GPR173: variants seen among roughly 807,000 people sequenced by gnomAD.
GPR173 encodes G protein-coupled receptor 173, also known as probable G protein-coupled receptor 173.
GPR173 carries 2 observed loss-of-function variants against 13.9 expected under a neutral mutation model. The observed-to-expected ratio is 0.14, with a 90% CI of 0.06 to 0.45. The LOEUF is 0.45. GPR173 is among the 20% of genes least tolerant of loss of function. GPR173 has a pLI of 0.98. For missense variants in GPR173, 202 were observed against 340.5 expected (o/e 0.59, Z 3.20); for synonymous variants, 131 against 141.0 (o/e 0.93, Z 0.50).
chrX:53,066,404 A>G (rs1028797748), intron 1 of GPR173, among the ~76,000 whole-genome samples: 40 of 111,952 alleles, frequency 3.6e-4, no homozygotes, highest in African/African-American at 1.2e-3. Flanking sequence ...GTGCAAAAAA[A>G]GCCATTTGTT....
intron 1 of GPR173, among the ~76,000 whole-genome samples, chrX:53,059,987 C>CA (rs1190869192): frequency 3.3e-4 from 28 of 85,013 alleles, no homozygotes; most frequent in Non-Finnish European, 4.2e-4. Context: ...GACCCTGTCT[C>CA]AAAAAAAAAA....
In GPR173 at chrX:53,077,168, G is replaced by A. The variant is rs782287684; in HGVS notation, c.547G>A (p.Ala183Thr). 1 of 1,207,229 alleles carries A rather than the reference G, an allele frequency of 8.3e-7. No individual in the cohort carries two copies. Among genetic ancestry groups the A allele is most frequent in the East Asian group, 3.0e-5 (1 of 33,836 alleles). ...QCIFEHRYFK[A>T]NDTLGFMLML... The stretch of plus-strand genomic sequence containing the variant: ...CATCTTTGAGCATCGCTACTTCAAG[G>A]CCAATGACACGCTGGGCTTCATGCT... The change falls in exon 2 of 2, where the codon GCC becomes ACC. Residue 183 changes from alanine to threonine, a missense_variant. Ala to Thr is a moderately conservative substitution (Grantham distance 58). Around this residue, in one of 3 missense-constraint regions of GPR173, gnomAD observed 28 missense variants for 87.0 expected, o/e 0.32. Transcript: ENST00000332582.
At chrX:53,075,656 A>G (rs1286925694) in intron 1 of GPR173, among the ~76,000 whole-genome samples, 1 of 109,112 alleles carries the variant, frequency 9.2e-6, no homozygotes, top group Non-Finnish European at 1.9e-5. Context: ...GTGGCCCACA[A>G]CCCTACACAA....
rs1932466856 is a variant in GPR173, at chrX:53,077,997, ATT to A, written c.*255_*256del. The A allele has an allele frequency of 2.1e-5, 7 of 338,379 alleles. No homozygotes were observed. Among genetic ancestry groups the A allele is most frequent in the Non-Finnish European group, 2.6e-5 (5 of 193,512 alleles). 27.9% of individuals were successfully genotyped at this position (338,379 alleles called of 1,213,427 possible). A position where few individuals can be genotyped will look rare whatever the true frequency, so the allele number is the denominator to read the frequency against. On this transcript the variant is annotated 3_prime_UTR_variant, in exon 2 of 2. Transcript: ENST00000332582. ...CCTCCTTCTCCACTTCTACAATCTCATTCTCTCTCTCTCTCTCTCTGTCTCTC... is the reference window on the plus strand; with the variant it reads ...CCTCCTTCTCCACTTCTACAATCTCACTCTCTCTCTCTCTCTCTGTCTCTC...
intron 1 of GPR173, among the ~76,000 whole-genome samples, chrX:53,074,332 GTATATTTATA>G (rs1373712607): frequency 2.0e-4 from 1 of 4,954 alleles, no homozygotes; most frequent in Non-Finnish European, 3.4e-4. Context: ...ATATATAAAT[GTATATTTATA>G]TATATTTATA....
At chrX:53,055,052 G>A (rs1484188890) in intron 1 of GPR173, among the ~76,000 whole-genome samples, 1 of 109,782 alleles carries the variant, frequency 9.1e-6, no homozygotes, top group Non-Finnish European at 1.9e-5. Flanking sequence ...TGGTGTGTGT[G>A]AGACAGTATG....
intron 1 of GPR173, among the ~76,000 whole-genome samples, chrX:53,052,041 C>T (rs1460783047): frequency 9.0e-6 from 1 of 111,100 alleles, no homozygotes; most frequent in South Asian, 3.7e-4. Context: ...TATAGATGTC[C>T]GTGTGTGCAT....
intron 1 of GPR173, among the ~76,000 whole-genome samples, chrX:53,074,684 A>AT (rs781992705): frequency 1.2e-5 from 1 of 83,358 alleles, no homozygotes; most frequent in African/African-American, 5.4e-5. Context: ...ATTTATAAAT[A>AT]TTATAAATAA....
intron 1 of GPR173, among the ~76,000 whole-genome samples, chrX:53,052,515 A>T (rs1931971432): frequency 9.1e-6 from 1 of 109,970 alleles, no homozygotes; most frequent in Non-Finnish European, 1.9e-5. Flanking sequence ...AGGTGTGAAC[A>T]TCTGGCTGTG....
chrX:53,068,680 G>A, intron 1 of GPR173, among the ~76,000 whole-genome samples: 1 of 108,858 alleles, frequency 9.2e-6, no homozygotes, highest in East Asian at 2.9e-4. Context: ...TACTCTGAAG[G>A]CTGAGGTAGG....
At chrX:53,061,599 A>G (rs1490169253) in intron 1 of GPR173, among the ~76,000 whole-genome samples, 2 of 111,863 alleles carry the variant, frequency 1.8e-5, no homozygotes, top group African/African-American at 6.5e-5. Context: ...ACTAGAGTTG[A>G]GTGAAAAGGA....
At chrX:53,059,618 C>T (rs781904349) in intron 1 of GPR173, among the ~76,000 whole-genome samples, 1 of 108,605 alleles carries the variant, frequency 9.2e-6, no homozygotes, top group African/African-American at 3.4e-5. Flanking sequence ...ATGGCGAAAC[C>T]CCACCTCTAC....
chrX:53,064,426 G>A (rs1295734435), intron 1 of GPR173, among the ~76,000 whole-genome samples: 1 of 110,174 alleles, frequency 9.1e-6, no homozygotes, highest in African/African-American at 3.3e-5. Flanking sequence ...AAAATTAGCT[G>A]GGCATCCTGG....
intron 1 of GPR173, among the ~76,000 whole-genome samples, chrX:53,068,097 T>C (rs1932210949): frequency 9.0e-6 from 1 of 111,303 alleles, no homozygotes. Flanking sequence ...GATACTGAAA[T>C]ACTTAAGGAT....
intron 1 of GPR173, among the ~76,000 whole-genome samples, chrX:53,072,390 C>G (rs868976544): frequency 1.2e-5 from 1 of 85,770 alleles, no homozygotes; most frequent in Admixed American, 1.2e-4. Context: ...TTTTCTCTCT[C>G]TTGCTCTCTC....
chrX:53,063,072 C>A (rs1455140547), intron 1 of GPR173, among the ~76,000 whole-genome samples: 1 of 110,180 alleles, frequency 9.1e-6, no homozygotes, highest in Non-Finnish European at 1.9e-5. Context: ...CACAGTTCCA[C>A]TAAGTGTTGC....
chrX:53,080,544 A>G lies in GPR173; in HGVS notation c.*2801A>G, dbSNP rs1932522176. The G allele has an allele frequency of 8.2e-6, 1 of 122,603 alleles. No individual in the cohort carries two copies. The highest frequency in any genetic ancestry group is 1.9e-5 in the Non-Finnish European group (1 of 53,194). The allele number at this position is 122,603 out of a possible 1,213,427, so 10.1% of individuals were successfully genotyped here. ...CCACCGTTCATGTGTTTATTTACAT[A>G]TATGTGTATCTGTGAAAAATGTATG... On this transcript the variant is annotated 3_prime_UTR_variant, in exon 2 of 2. Coordinates refer to ENST00000332582, the MANE Select transcript of GPR173 (RefSeq NM_018969.6).
Position 53,052,602 on chromosome X carries a change from CGTGTGT to C in GPR173, c.-98+3144_-98+3149del, listed in dbSNP as rs781878545. On this transcript the variant is annotated intron_variant, in intron 1 of 1. Coordinates refer to ENST00000332582, the MANE Select transcript of GPR173 (RefSeq NM_018969.6). ...CCACACACATCTGTCCACACACACA[CGTGTGT>C]GTGTGTGTGTGTGTGTGTGTGTGTG... Among the ~76,000 whole-genome samples the C allele has an allele frequency of 2.5e-3, 248 of 100,499 alleles. 1 individual carries two copies. The highest frequency in any genetic ancestry group is 5.2e-3 in the Middle Eastern group (1 of 192). 87.3% of individuals were successfully genotyped at this position (100,499 alleles called of 115,157 possible). A position where few individuals can be genotyped will look rare whatever the true frequency, so the allele number is the denominator to read the frequency against.
chrX:53,075,989 G>A (rs1556805747), intron 1 of GPR173, among the ~76,000 whole-genome samples: 1 of 111,213 alleles, frequency 9.0e-6, no homozygotes, highest in African/African-American at 3.3e-5. Flanking sequence ...AAAAAAGTCT[G>A]AACACAACCT....
Sources: gnomAD v4.1 joint callset for allele counts (sites outside exome capture counted in the v4.1 genomes callset) on GRCh38, gnomAD v4.1.1 for gene constraint, gnomAD v4.1.1 regional missense constraint, MANE v1.5 for transcripts, NCBI Gene and HGNC (gene_info 2026-07-23, HGNC 2026-07-21) for gene names.